Variants in BICD1 observed in about 807,000 individuals in gnomAD.
BICD1 encodes the protein BICD cargo adaptor 1.
BICD1 carries 35 observed loss-of-function variants against 92.5 expected under a neutral mutation model. That is an observed-to-expected ratio of 0.38 (90% confidence interval 0.29 to 0.50). The LOEUF (loss-of-function observed/expected upper bound fraction) is 0.50, where lower values mean the gene tolerates loss of function less well. Ranked by LOEUF, BICD1 falls within the 20% of genes least tolerant of loss-of-function variation. The pLI is 0.93. For synonymous variants in BICD1, 429 were observed against 465.1 expected (o/e 0.92, Z 1.00); for missense variants, 950 against 1,189.8 (o/e 0.80, Z 2.97).
chr12:32,344,119 T>C (rs1347725943), intron 8 of BICD1, among the ~76,000 whole-genome samples: 5 of 152,156 alleles, frequency 3.3e-5, no homozygotes, highest in African/African-American at 1.2e-4. Context: ...AAATATGTAC[T>C]GATGTTAATA....
chr12:32,184,438 C>T (rs577085599), intron 1 of BICD1, among the ~76,000 whole-genome samples: 1 of 152,228 alleles, frequency 6.6e-6, no homozygotes, highest in African/African-American at 2.4e-5. Context: ...AGACGCATGC[C>T]ACCACGCCCA....
At position 32,185,862 on chromosome 12, in the gene BICD1, G is replaced by A. The variant is rs556336716; in HGVS notation, c.214-30385G>A. Among the ~76,000 whole-genome samples the A allele has an allele frequency of 3.8e-4, 58 of 152,314 alleles. 1 individual carries two copies. In the South Asian group the frequency reaches 0.011, roughly 29 times the overall value. On this transcript the variant is annotated intron_variant, in intron 1 of 9. Transcript: ENST00000652176. ...AAAGACAGTGCACTGTGCTCACCAC[G>A]CCATTTCATCTTTTCCCTGGGTTGA...
At chr12:32,124,240 A>G (rs1012153898) in intron 1 of BICD1, among the ~76,000 whole-genome samples, 1 of 152,218 alleles carries the variant, frequency 6.6e-6, no homozygotes, top group African/African-American at 2.4e-5. Context: ...GGTATTATGC[A>G]GGCTATACAA....
At chr12:32,300,534 G>A (rs1240708846) in intron 3 of BICD1, among the ~76,000 whole-genome samples, 1 of 151,780 alleles carries the variant, frequency 6.6e-6, no homozygotes, top group Non-Finnish European at 1.5e-5. Context: ...GGGGCAGTCA[G>A]AGGGTTGGTT....
intron 1 of BICD1, among the ~76,000 whole-genome samples, chr12:32,119,760 A>G (rs1942076090): frequency 6.6e-6 from 1 of 152,206 alleles, no homozygotes; most frequent in South Asian, 2.1e-4. Context: ...AGTCCCAGCT[A>G]TTCGGGAGAC....
At chr12:32,153,175 T>A (rs9630262) in intron 1 of BICD1, among the ~76,000 whole-genome samples, 20,516 of 152,132 alleles carry the variant, frequency 0.13, 1,406 homozygotes, top group Middle Eastern at 0.16. Context: ...GGTATTTGTT[T>A]TTCTTTTCCT....
chr12:32,108,773 A>G (rs1941587790), intron 1 of BICD1: 5 of 616,994 alleles, frequency 8.1e-6, no homozygotes, highest in South Asian at 7.5e-5. Context: ...AAATAAATGT[A>G]CTACCTATGA....
intron 2 of BICD1, among the ~76,000 whole-genome samples, chr12:32,277,593 T>C (rs984526816): frequency 7.9e-5 from 12 of 152,192 alleles, no homozygotes; most frequent in African/African-American, 2.9e-4. Flanking sequence ...GCTAAGTCAA[T>C]CCGTCCAGGT....
At chr12:32,356,557 C>T (rs142809503) in intron 8 of BICD1, among the ~76,000 whole-genome samples, 3 of 151,816 alleles carry the variant, frequency 2.0e-5, no homozygotes, top group African/African-American at 7.2e-5. Context: ...CGCCTGAACC[C>T]GGGAAGCAGA....
intron 2 of BICD1, among the ~76,000 whole-genome samples, chr12:32,250,173 A>AG (rs1162394646): frequency 1.3e-5 from 2 of 152,134 alleles, no homozygotes; most frequent in African/African-American, 4.8e-5. Context: ...AACTGTATTC[A>AG]GTACAGGATT....
intron 2 of BICD1, among the ~76,000 whole-genome samples, chr12:32,268,477 A>G (rs1947056527): frequency 6.6e-6 from 1 of 152,220 alleles, no homozygotes; most frequent in Non-Finnish European, 1.5e-5. Flanking sequence ...ACAGCAAGCA[A>G]GAAATTAGAA....
At chr12:32,219,021 C>A (rs1266697371) in intron 2 of BICD1, among the ~76,000 whole-genome samples, 1 of 152,082 alleles carries the variant, frequency 6.6e-6, no homozygotes, top group Non-Finnish European at 1.5e-5. Context: ...CTTTTAGGCT[C>A]AGTTTTATTT....
Position 32,227,737 on chromosome 12 carries a change from T to C in BICD1, c.426+11278T>C, listed in dbSNP as rs1232257382. 4 of 159,308 alleles carry C rather than the reference T, an allele frequency of 2.5e-5. No homozygotes were observed. In the Admixed American group the frequency reaches 2.6e-4, roughly 10 times the overall value. 9.9% of individuals were successfully genotyped at this position (159,308 alleles called of 1,614,324 possible). ...AAAGACATAGGCTCTGTTGGGTATGTAAGAGTACCCGTAGCCTCCATTGGG... is the reference window on the plus strand; with the variant it reads ...AAAGACATAGGCTCTGTTGGGTATGCAAGAGTACCCGTAGCCTCCATTGGG... On this transcript the variant is annotated intron_variant, in intron 2 of 9. Transcript: ENST00000652176.
At chr12:32,292,446 C>A (rs1291346558) in intron 2 of BICD1, among the ~76,000 whole-genome samples, 5 of 152,080 alleles carry the variant, frequency 3.3e-5, no homozygotes, top group African/African-American at 1.2e-4. Flanking sequence ...TTGTAAAGAC[C>A]CTGGGAGTTA....
intron 1 of BICD1, among the ~76,000 whole-genome samples, chr12:32,202,016 A>C (rs1944918346): frequency 1.3e-5 from 2 of 152,232 alleles, no homozygotes; most frequent in Non-Finnish European, 2.9e-5. Flanking sequence ...CAGCCAGAAG[A>C]AGCTGATGTG....
At chr12:32,356,195 G>A (rs1431834810) in intron 8 of BICD1, among the ~76,000 whole-genome samples, 7 of 152,056 alleles carry the variant, frequency 4.6e-5, no homozygotes, top group African/African-American at 1.2e-4. Flanking sequence ...TCACTTAAAC[G>A]GATAGAAAAA....
At chr12:32,324,968 G>A (rs1311408094) in intron 4 of BICD1, among the ~76,000 whole-genome samples, 2 of 152,094 alleles carry the variant, frequency 1.3e-5, no homozygotes, top group East Asian at 3.8e-4. Flanking sequence ...CAGCATTAGT[G>A]TCAACATTTC....
chr12:32,141,550 T>C (rs1423261163), intron 1 of BICD1, among the ~76,000 whole-genome samples: 1 of 152,172 alleles, frequency 6.6e-6, no homozygotes, highest in African/African-American at 2.4e-5. Flanking sequence ...CTCGGCTCAC[T>C]GCACCCTCCA....
intron 2 of BICD1, among the ~76,000 whole-genome samples, chr12:32,252,469 G>C (rs1015788841): frequency 1.3e-5 from 2 of 152,086 alleles, no homozygotes; most frequent in Non-Finnish European, 2.9e-5. Flanking sequence ...GAGGTCAGAT[G>C]ACTGCCTGTC....
Sources: allele counts gnomAD v4.1 joint callset (sites outside exome capture counted in the v4.1 genomes callset), GRCh38; gene constraint gnomAD v4.1.1; transcripts MANE v1.5; gene names NCBI Gene and HGNC (gene_info 2026-07-23, HGNC 2026-07-21).